Variants in CNTNAP2 observed in about 807,000 individuals in gnomAD.
The protein encoded by CNTNAP2 is contactin associated protein 2, also known as contactin-associated protein-like 2.
A neutral mutation model predicts 155.2 loss-of-function variants in CNTNAP2; 98 were observed. The observed-to-expected ratio is 0.63, with a 90% CI of 0.54 to 0.75. The LOEUF is 0.75. CNTNAP2 is among the 30% of genes least tolerant of loss of function. The pLI, the probability that CNTNAP2 is intolerant of heterozygous loss-of-function variation, is 0.00. For synonymous variants in CNTNAP2, 651 were observed against 631.2 expected (o/e 1.03, Z -0.47); for missense variants, 1,727 against 1,688.1 (o/e 1.02, Z -0.40).
At chr7:148,282,454 C>A (rs1311671514) in intron 21 of CNTNAP2, among the ~76,000 whole-genome samples, 1 of 152,092 alleles carries the variant, frequency 6.6e-6, no homozygotes, top group East Asian at 1.9e-4. Context: ...GATAGTAGTG[C>A]CAATATCATA....
Position 148,001,438 on chromosome 7 carries a change from C to A in CNTNAP2, c.2383+23449C>A, listed in dbSNP as rs1349260029. Among the ~76,000 whole-genome samples the A allele has an allele frequency of 4.8e-4, 73 of 152,182 alleles. 1 individual carries two copies. The highest frequency in any genetic ancestry group is 2.9e-5 in the Non-Finnish European group (2 of 68,036). On this transcript the variant is annotated intron_variant, in intron 15 of 23. Transcript: ENST00000361727. ...AGGTCCCATCACATTGTTGTTATTG[C>A]AGATAGCACTTTCACTGTTACTCAA...
intron 3 of CNTNAP2, among the ~76,000 whole-genome samples, chr7:147,008,557 TA>T (rs943071128): frequency 2.0e-5 from 3 of 150,306 alleles, no homozygotes; most frequent in African/African-American, 5.0e-5. Flanking sequence ...ACAAACAAAA[TA>T]AAAAAAACAG....
intron 13 of CNTNAP2, among the ~76,000 whole-genome samples, chr7:147,801,043 T>C (rs1797974432): frequency 6.6e-6 from 1 of 152,174 alleles, no homozygotes; most frequent in African/African-American, 2.4e-5. Flanking sequence ...TCTCAGAACA[T>C]ATCCCCATTG....
intron 17 of CNTNAP2, among the ~76,000 whole-genome samples, chr7:148,151,189 T>C (rs1315906356): frequency 6.6e-6 from 1 of 152,148 alleles, no homozygotes. Context: ...TTAATATTTC[T>C]GTGTTAATTA....
intron 3 of CNTNAP2, among the ~76,000 whole-genome samples, chr7:147,025,893 G>A (rs1798910809): frequency 1.4e-5 from 2 of 146,462 alleles, no homozygotes; most frequent in South Asian, 4.6e-4. Flanking sequence ...TTAATTTGTT[G>A]AGATCACCCA....
chr7:147,207,299 T>C (rs1496540), intron 8 of CNTNAP2, among the ~76,000 whole-genome samples: 91,263 of 151,920 alleles, frequency 0.6, 27,775 homozygotes, highest in Middle Eastern at 0.72. Flanking sequence ...GCCAATACTC[T>C]TCAGTGGGGA....
chr7:147,783,607 C>T (rs749963558), intron 13 of CNTNAP2, among the ~76,000 whole-genome samples: 7 of 152,160 alleles, frequency 4.6e-5, no homozygotes, highest in Non-Finnish European at 1.0e-4. Context: ...TCGTTTATTG[C>T]TATAGACAAA....
chr7:146,303,229 A>G (rs1800645735), intron 1 of CNTNAP2, among the ~76,000 whole-genome samples: 1 of 152,094 alleles, frequency 6.6e-6, no homozygotes, highest in African/African-American at 2.4e-5. Flanking sequence ...ACACTTAGGC[A>G]TAGCTTTTAA....
chr7:147,339,973 T>A (rs879725286), intron 9 of CNTNAP2, among the ~76,000 whole-genome samples: 2 of 152,184 alleles, frequency 1.3e-5, no homozygotes, highest in African/African-American at 2.4e-5. Flanking sequence ...CAGCTGCATC[T>A]ACATAAGTGC....
intron 9 of CNTNAP2, among the ~76,000 whole-genome samples, chr7:147,367,675 A>G (rs1332492853): frequency 6.6e-6 from 1 of 152,094 alleles, no homozygotes; most frequent in African/African-American, 2.4e-5. Context: ...GCCACTCATC[A>G]CCTAAATGAA....
chr7:146,468,576 GA>G (rs1796749808), intron 1 of CNTNAP2, among the ~76,000 whole-genome samples: 1 of 152,172 alleles, frequency 6.6e-6, no homozygotes, highest in Non-Finnish European at 1.5e-5. Flanking sequence ...TTATCAGTAG[GA>G]ATTTGTCTTG....
chr7:146,546,858 G>A (rs564904174), intron 1 of CNTNAP2, among the ~76,000 whole-genome samples: 9 of 151,972 alleles, frequency 5.9e-5, no homozygotes, highest in East Asian at 1.9e-4. Flanking sequence ...AACTGCACCC[G>A]TGATTCAATT....
At chr7:147,345,007 CTA>C in intron 9 of CNTNAP2, among the ~76,000 whole-genome samples, 2 of 151,952 alleles carry the variant, frequency 1.3e-5, no homozygotes, top group Middle Eastern at 3.4e-3. Flanking sequence ...TTTCAGGAAA[CTA>C]TATGTCTTTT....
intron 10 of CNTNAP2, among the ~76,000 whole-genome samples, chr7:147,458,107 T>C (rs1030992841): frequency 2.1e-5 from 3 of 144,730 alleles, no homozygotes; most frequent in Non-Finnish European, 4.5e-5. Flanking sequence ...ATAATTGATA[T>C]ATTGTCTCTA....
chr7:147,370,183 A>C (rs544571201), intron 9 of CNTNAP2, among the ~76,000 whole-genome samples: 1 of 152,362 alleles, frequency 6.6e-6, no homozygotes, highest in African/African-American at 2.4e-5. Flanking sequence ...TAAAAATATT[A>C]TAGTCATATG....
chr7:147,658,588 G>A (rs562651564), intron 13 of CNTNAP2, among the ~76,000 whole-genome samples: 4 of 152,222 alleles, frequency 2.6e-5, no homozygotes, highest in Non-Finnish European at 2.9e-5. Context: ...TCTCTACCCC[G>A]CCAAATCTCC....
intron 1 of CNTNAP2, among the ~76,000 whole-genome samples, chr7:146,690,521 AT>A (rs1800680374): frequency 6.6e-6 from 1 of 152,148 alleles, no homozygotes; most frequent in Non-Finnish European, 1.5e-5. Context: ...TAAAGTCACA[AT>A]TACCAAAGAT....
At chr7:148,096,617 G>T (rs1257571740) in intron 15 of CNTNAP2, among the ~76,000 whole-genome samples, 1 of 152,106 alleles carries the variant, frequency 6.6e-6, no homozygotes, top group Non-Finnish European at 1.5e-5. Flanking sequence ...AGGTAAAGCA[G>T]GAGACACATT....
intron 2 of CNTNAP2, among the ~76,000 whole-genome samples, chr7:146,818,364 A>T (rs1803214718): frequency 1.3e-5 from 2 of 152,182 alleles, no homozygotes; most frequent in African/African-American, 4.8e-5. Flanking sequence ...TAGTTTATAG[A>T]ATCATCTTAC....
Sources: gnomAD v4.1 joint callset for allele counts (sites outside exome capture counted in the v4.1 genomes callset) on GRCh38, gnomAD v4.1.1 for gene constraint, MANE v1.5 for transcripts, NCBI Gene and HGNC (gene_info 2026-07-23, HGNC 2026-07-21) for gene names.